Variants in LRFN5 observed in about 807,000 individuals in gnomAD.
The protein encoded by LRFN5 is leucine-rich repeat and fibronectin type-III domain-containing protein 5.
A neutral mutation model predicts 45.6 loss-of-function variants in LRFN5; 24 were observed. The ratio of observed to expected loss-of-function variants is 0.53; its 90% CI spans 0.38 to 0.74. LRFN5 has a LOEUF of 0.74. Ranked by LOEUF, LRFN5 falls within the 30% of genes least tolerant of loss-of-function variation. The pLI is 0.00. For missense variants in LRFN5, 776 were observed against 861.5 expected (o/e 0.90, Z 1.24); for synonymous variants, 340 against 313.8 (o/e 1.08, Z -0.88).
At chr14:41,895,943 CCA>C (rs1890925650) in intron 4 of LRFN5, among the ~76,000 whole-genome samples, 1 of 152,030 alleles carries the variant, frequency 6.6e-6, no homozygotes, top group African/African-American at 2.4e-5. Context: ...CCATTTGTCT[CCA>C]GACATCTTTT....
chr14:41,902,757 T>C (rs1467293425), intron 5 of LRFN5, among the ~76,000 whole-genome samples: 1 of 151,814 alleles, frequency 6.6e-6, no homozygotes, highest in African/African-American at 2.4e-5. Context: ...CAACTTTTAC[T>C]TTTACTACTT....
At chr14:41,670,228 TACACAC>T (rs1170896489) in intron 1 of LRFN5, among the ~76,000 whole-genome samples, 7 of 126,684 alleles carry the variant, frequency 5.5e-5, no homozygotes, top group Non-Finnish European at 1.0e-4. Flanking sequence ...TATATATGTA[TACACAC>T]ACACACACAC....
In LRFN5 at chr14:41,746,934, T is replaced by G. The variant is rs1884945017; in HGVS notation, c.-196-19920T>G. The stretch of plus-strand genomic sequence containing the variant: ...ATAATGAACAGTATGAAAAGAAAAT[T>G]GAGAAAATGATTCCATTTACAATAC... On this transcript the variant is annotated intron_variant, in intron 1 of 5. Transcript: ENST00000298119. Among the ~76,000 whole-genome samples the G allele has an allele frequency of 4.6e-5, 7 of 151,842 alleles. No individual in the cohort carries two copies. The South Asian group carries it at 1.5e-3, about 32-fold the overall frequency.
chr14:41,771,790 T>G (rs1886099815), intron 2 of LRFN5, among the ~76,000 whole-genome samples: 1 of 152,198 alleles, frequency 6.6e-6, no homozygotes, highest in Non-Finnish European at 1.5e-5. Flanking sequence ...CCCTCATCTT[T>G]CTGTCTTCTG....
intron 1 of LRFN5, among the ~76,000 whole-genome samples, chr14:41,714,216 G>A (rs1023433654): frequency 2.0e-5 from 3 of 152,128 alleles, no homozygotes; most frequent in African/African-American, 7.2e-5. Context: ...ACAGAGACTT[G>A]AGAATCATAA....
intron 2 of LRFN5, among the ~76,000 whole-genome samples, chr14:41,825,930 T>C (rs1404140181): frequency 6.6e-6 from 1 of 152,206 alleles, no homozygotes; most frequent in African/African-American, 2.4e-5. Flanking sequence ...ACCTTTTCCA[T>C]AGGACTTCAA....
chr14:41,683,104 A>G (rs1420549056), intron 1 of LRFN5, among the ~76,000 whole-genome samples: 2 of 152,202 alleles, frequency 1.3e-5, no homozygotes, highest in African/African-American at 2.4e-5. Context: ...TCAACAATAC[A>G]TTAAAAACAT....
At position 41,620,934 on chromosome 14, in the gene LRFN5, CAGG is replaced by C. The variant is rs1312004148; in HGVS notation, c.-197+12376_-197+12378del. ...TCACTCTTGGTATAAAGTGTGTATT[CAGG>C]AGGTGTTGGTCAAATACATGAATTG... On this transcript the variant is annotated intron_variant, in intron 1 of 5. Coordinates refer to ENST00000298119, the MANE Select transcript of LRFN5 (RefSeq NM_152447.5). Among the ~76,000 whole-genome samples, 3 of 151,282 alleles carry C rather than the reference CAGG, an allele frequency of 2.0e-5. No individual in the cohort carries two copies. The East Asian group carries it at 5.8e-4, about 29-fold the overall frequency.
intron 1 of LRFN5, among the ~76,000 whole-genome samples, chr14:41,665,152 A>T (rs924809309): frequency 1.3e-5 from 2 of 151,974 alleles, no homozygotes; most frequent in African/African-American, 4.8e-5. Flanking sequence ...TTAGAAAAAA[A>T]AATGGTCTCA....
intron 2 of LRFN5, among the ~76,000 whole-genome samples, chr14:41,851,984 G>GAAA (rs150717593): frequency 2.0e-5 from 3 of 150,006 alleles, no homozygotes; most frequent in African/African-American, 7.3e-5. Flanking sequence ...AAGTAATGCA[G>GAAA]AAAAAAAAAG....
chr14:41,841,589 A>G lies in LRFN5; in HGVS notation c.-20-45017A>G, dbSNP rs1413795171. Reference sequence around the variant, plus strand: ...ATGTACTGTTCCATTGCATGAGTGTATCAGAATTTCTTGACGAATCCTCTT... The same window carrying G: ...ATGTACTGTTCCATTGCATGAGTGTGTCAGAATTTCTTGACGAATCCTCTT... On this transcript the variant is annotated intron_variant, in intron 2 of 5. Transcript: ENST00000298119. 5.3e-5 allele frequency among the ~76,000 whole-genome samples: 8 copies of G among 152,034 alleles called. No individual in the cohort carries two copies. The South Asian group carries it at 6.2e-4, about 12-fold the overall frequency.
intron 1 of LRFN5, among the ~76,000 whole-genome samples, chr14:41,630,849 A>G (rs1888508743): frequency 6.6e-6 from 1 of 152,020 alleles, no homozygotes; most frequent in African/African-American, 2.4e-5. Flanking sequence ...TTTGCTAATT[A>G]TTTATATAAA....
intron 2 of LRFN5, among the ~76,000 whole-genome samples, chr14:41,775,368 C>G (rs1886251444): frequency 6.6e-6 from 1 of 152,040 alleles, no homozygotes; most frequent in Non-Finnish European, 1.5e-5. Flanking sequence ...GTATTACAGG[C>G]AAGCCACCGC....
intron 1 of LRFN5, among the ~76,000 whole-genome samples, chr14:41,676,048 C>T (rs1881614291): frequency 6.6e-6 from 1 of 152,200 alleles, no homozygotes. Flanking sequence ...CTTTTCCCTA[C>T]ATCCAGTCTG....
chr14:41,856,198 TG>T (rs1889445715), intron 2 of LRFN5, among the ~76,000 whole-genome samples: 1 of 152,230 alleles, frequency 6.6e-6, no homozygotes, highest in South Asian at 2.1e-4. Context: ...GTGAAATTAC[TG>T]ACCATGCTTA....
At position 41,668,319 on chromosome 14, in the gene LRFN5, G is replaced by A. The variant is rs376596731; in HGVS notation, c.-197+59757G>A. Among the ~76,000 whole-genome samples, 12 of 152,078 alleles carry A rather than the reference G, an allele frequency of 7.9e-5. No individual in the cohort carries two copies. In the South Asian group the frequency reaches 2.3e-3, roughly 29 times the overall value. On this transcript the variant is annotated intron_variant, in intron 1 of 5. Coordinates refer to ENST00000298119, the MANE Select transcript of LRFN5 (RefSeq NM_152447.5). ...TTTTATAATCTAGATTGAAAATTTT[G>A]TAGGAAGAATTAGGAAAGAGATCAT...
At chr14:41,772,480 A>G (rs1032398235) in intron 2 of LRFN5, among the ~76,000 whole-genome samples, 1 of 152,232 alleles carries the variant, frequency 6.6e-6, no homozygotes, top group Non-Finnish European at 1.5e-5. Context: ...ATCTGGTTAC[A>G]TGAATTGAGT....
In LRFN5 at chr14:41,899,881, C is replaced by T. The variant is rs550368664; in HGVS notation, c.2142+921C>T. ...ATGTTGCAAAAAACAGCAGATGGCT[C>T]ATTGGAAATACTGAAACAATCAATA... On this transcript the variant is annotated intron_variant, in intron 5 of 5. Coordinates refer to ENST00000298119, the MANE Select transcript of LRFN5 (RefSeq NM_152447.5). Among the ~76,000 whole-genome samples the T allele has an allele frequency of 2.3e-4, 35 of 152,216 alleles. No individual in the cohort carries two copies. The South Asian group carries it at 6.4e-3, about 28-fold the overall frequency.
At chr14:41,728,717 T>C (rs1884042081) in intron 1 of LRFN5, among the ~76,000 whole-genome samples, 1 of 152,158 alleles carries the variant, frequency 6.6e-6, no homozygotes, top group Admixed American at 6.5e-5. Context: ...ATAGCTGCCT[T>C]CTATATTGAA....
Sources: allele counts gnomAD v4.1 joint callset (sites outside exome capture counted in the v4.1 genomes callset), GRCh38; gene constraint gnomAD v4.1.1; transcripts MANE v1.5; gene names NCBI Gene and HGNC (gene_info 2026-07-23, HGNC 2026-07-21).